The following TJP1 variants were observed in gnomAD, a reference collection of about 807,000 sequenced individuals.
TJP1 encodes tight junction protein ZO-1.
Under a neutral mutation model 194.2 loss-of-function variants are expected in TJP1, and 43 were observed. The observed-to-expected ratio is 0.22, with a 90% CI of 0.17 to 0.29. The LOEUF is 0.29. Ranked by LOEUF, TJP1 falls within the 10% of genes least tolerant of loss-of-function variation. The pLI, the probability that TJP1 is intolerant of heterozygous loss-of-function variation, is 1.00. For synonymous variants in TJP1, 801 were observed against 779.0 expected (o/e 1.03, Z -0.47); for missense variants, 1,971 against 2,185.7 (o/e 0.90, Z 1.96).
chr15:29,826,667 C>T (rs2050686018), upstream of TJP1, among the ~76,000 whole-genome samples: 1 of 152,166 alleles, frequency 6.6e-6, no homozygotes, highest in African/African-American at 2.4e-5. Context: ...TCATCTTCAT[C>T]CTGTCCTTAG....
intron 2 of TJP1, among the ~76,000 whole-genome samples, chr15:29,935,542 T>C (rs2054855616): frequency 6.6e-6 from 1 of 152,096 alleles, no homozygotes; most frequent in African/African-American, 2.4e-5. Context: ...TACAAAGGAC[T>C]TCAAAATTCC....
At position 29,732,637 on chromosome 15, in the gene TJP1, G is replaced by C. The variant is rs2043741154; in HGVS notation, c.1915C>G (p.Arg639Gly). The C allele has an allele frequency of 6.2e-7, 1 of 1,613,648 alleles. No homozygotes were observed. The change falls in exon 14 of 28, where the codon CGA (arginine) becomes GGA (glycine). Residue 639 changes from arginine to glycine, a missense_variant. This residue lies in a region of TJP1 where 402 missense variants were observed against 484.2 expected (regional missense o/e 0.83). Transcript: ENST00000614355. Reference protein sequence around the residue: ...KFPAYERVVLREAGFLRPVTI... With the variant: ...KFPAYERVVLGEAGFLRPVTI... ...TCTGTAGAAAATAAACTACCTTCTC[G>C]AAGAACCACTCTTTCATAAGCTGGA...
chr15:29,833,877 A>ATTTTTTTTTTTT (rs1332880070), intron 2 of TJP1, among the ~76,000 whole-genome samples: 3 of 14,428 alleles, frequency 2.1e-4, no homozygotes, highest in African/African-American at 4.4e-4. Context: ...ATATATATAT[A>ATTTTTTTTTTTT]TATATTTTTT....
intron 2 of TJP1, among the ~76,000 whole-genome samples, chr15:29,949,244 TTCA>T (rs201044194): frequency 2.6e-4 from 11 of 41,620 alleles, no homozygotes; most frequent in African/African-American, 7.8e-4. Flanking sequence ...TACCTCCACC[TTCA>T]CCACCACCTC....
chr15:29,767,014 A>T (rs45595835), intron 4 of TJP1, among the ~76,000 whole-genome samples: 4 of 152,192 alleles, frequency 2.6e-5, no homozygotes, highest in African/African-American at 4.8e-5. Context: ...CTAAGAGATA[A>T]TTTATTCTAT....
At chr15:29,711,939 A>T (rs2042270117) in intron 23 of TJP1, among the ~76,000 whole-genome samples, 1 of 152,232 alleles carries the variant, frequency 6.6e-6, no homozygotes, top group Non-Finnish European at 1.5e-5. Context: ...TACCAGGTCC[A>T]TTTTTTGGTT....
intron 1 of TJP1, chr15:29,968,544 C>T: frequency 1.2e-6 from 1 of 805,908 alleles, no homozygotes; most frequent in Non-Finnish European, 1.5e-6. Context: ...TCCCGTCGGG[C>T]CCGACAGTCG....
At chr15:29,901,511 A>C (rs1250633693) in intron 2 of TJP1, among the ~76,000 whole-genome samples, 1 of 152,142 alleles carries the variant, frequency 6.6e-6, no homozygotes, top group Non-Finnish European at 1.5e-5. Context: ...TCTGCCAATG[A>C]TCCTTGGCAG....
chr15:29,837,168 C>T (rs2051063997), intron 2 of TJP1, among the ~76,000 whole-genome samples: 1 of 152,096 alleles, frequency 6.6e-6, no homozygotes, highest in Non-Finnish European at 1.5e-5. Flanking sequence ...AACAGAACAA[C>T]AATAGAACTA....
chr15:29,954,374 AAATT>A (rs1298894071), intron 2 of TJP1, among the ~76,000 whole-genome samples: 4 of 152,316 alleles, frequency 2.6e-5, no homozygotes, highest in East Asian at 1.9e-4. Context: ...ATGACATGTA[AAATT>A]AATTAGTTAT....
chr15:29,801,740 C>T (rs898896758), intron 1 of TJP1, among the ~76,000 whole-genome samples: 2 of 151,956 alleles, frequency 1.3e-5, no homozygotes, highest in Non-Finnish European at 2.9e-5. Context: ...GGATTACAGG[C>T]GTGAGCCACC....
At chr15:29,807,006 T>G (rs1031598673) in intron 1 of TJP1, among the ~76,000 whole-genome samples, 3 of 152,050 alleles carry the variant, frequency 2.0e-5, no homozygotes, top group African/African-American at 7.2e-5. Context: ...AAAATAATGA[T>G]CAAAATAAGA....
chr15:29,706,289 T>C (rs373842136), intron 25 of TJP1, among the ~76,000 whole-genome samples: 48 of 152,272 alleles, frequency 3.2e-4, no homozygotes, highest in African/African-American at 1.0e-3. Flanking sequence ...TCTAGAGAAA[T>C]GTCAAAAATT....
chr15:29,742,809 G>C (rs779402261), intron 8 of TJP1, 28 bp from the exon 9 acceptor site: 1 of 1,558,496 alleles, frequency 6.4e-7, no homozygotes, highest in East Asian at 2.3e-5. Flanking sequence ...AAAAAATCAA[G>C]AGCATAAGAA....
At chr15:29,862,358 C>T (rs906707302) in intron 2 of TJP1, among the ~76,000 whole-genome samples, 3 of 152,020 alleles carry the variant, frequency 2.0e-5, no homozygotes, top group African/African-American at 7.2e-5. Context: ...GGACTAATCA[C>T]AGAAATATAC....
chr15:29,965,033 T>A (rs2056284005), intron 1 of TJP1, among the ~76,000 whole-genome samples: 1 of 152,058 alleles, frequency 6.6e-6, no homozygotes, highest in South Asian at 2.1e-4. Flanking sequence ...CCAAGCGAGA[T>A]GGAAGTGTGG....
chr15:29,885,637 A>G (rs1362717132), intron 2 of TJP1, among the ~76,000 whole-genome samples: 1 of 152,244 alleles, frequency 6.6e-6, no homozygotes, highest in African/African-American at 2.4e-5. Context: ...TAAATTTTAA[A>G]AAGAAGCAGG....
intron 11 of TJP1, among the ~76,000 whole-genome samples, chr15:29,734,600 C>T (rs1458644586): frequency 6.6e-6 from 1 of 151,814 alleles, no homozygotes; most frequent in Non-Finnish European, 1.5e-5. Context: ...TCTCCTGCCT[C>T]AGCCTCCCGA....
At chr15:29,946,719 C>T (rs1011959051) in intron 2 of TJP1, among the ~76,000 whole-genome samples, 1 of 152,186 alleles carries the variant, frequency 6.6e-6, no homozygotes, top group Admixed American at 6.5e-5. Flanking sequence ...TTCACTTAAT[C>T]ATATCTATTC....
Sources: gnomAD v4.1 joint callset for allele counts (sites outside exome capture counted in the v4.1 genomes callset) on GRCh38, gnomAD v4.1.1 for gene constraint, gnomAD v4.1.1 regional missense constraint, MANE v1.5 for transcripts, NCBI Gene and HGNC (gene_info 2026-07-23, HGNC 2026-07-21) for gene names.